Variants in RGP1 observed in about 807,000 individuals in gnomAD.
The protein encoded by RGP1 is RAB6A-GEF complex partner protein 2.
A neutral mutation model predicts 44.5 loss-of-function variants in RGP1; 28 were observed. That is an observed-to-expected ratio of 0.63 (90% CI 0.47 to 0.86). The LOEUF is 0.86. Ranked by LOEUF, RGP1 falls within the 40% of genes least tolerant of loss-of-function variation. The probability of loss-of-function intolerance (pLI) is 0.00; values close to 1 mark genes in which losing one functional copy is unlikely to be tolerated. For missense variants in RGP1, 417 were observed against 490.7 expected, an observed-to-expected ratio of 0.85 and a Z score of 1.42; for synonymous variants, 212 against 196.7, an observed-to-expected ratio of 1.08 and a Z score of -0.65.
the RGP1 span, among the ~76,000 whole-genome samples, chr9:35,788,361 G>C: frequency 6.6e-6 from 1 of 152,206 alleles, no homozygotes; most frequent in Non-Finnish European, 1.5e-5. Flanking sequence ...TTGAGGTCAG[G>C]AGTTCGAGAC....
chr9:35,786,625 A>G, the RGP1 span: 1 of 152,190 alleles, frequency 6.6e-6, no homozygotes, highest in African/African-American at 2.4e-5. Flanking sequence ...TTCTCCTGAC[A>G]ATTCTTAAAT....
chr9:35,789,387 C>T, the RGP1 span, among the ~76,000 whole-genome samples: 1 of 145,918 alleles, frequency 6.9e-6, no homozygotes, highest in African/African-American at 2.5e-5. Context: ...CTGCCTCTAT[C>T]CTCTGGGATC....
chr9:35,768,553 G>A, the RGP1 span, among the ~76,000 whole-genome samples: 1 of 152,172 alleles, frequency 6.6e-6, no homozygotes, highest in Admixed American at 6.5e-5. Flanking sequence ...TAGTGCCAGG[G>A]GAAGATGGTG....
rs753189003 is a variant in RGP1, at chr9:35,749,690, C to T, written c.-19-47C>T. 62 of 1,165,798 alleles carry T rather than the reference C, an allele frequency of 5.3e-5. 1 individual carries two copies. In the South Asian group the frequency reaches 7.4e-4, roughly 14 times the overall value. 72.2% of individuals were successfully genotyped at this position (1,165,798 alleles called of 1,614,324 possible). A position where few individuals can be genotyped will look rare whatever the true frequency, so the allele number is the denominator to read the frequency against. ...AGCCCTAGGTGCTCACCGCAACGCCCCTCCCTGTCAAGGTGCTGACCTCCG... is the reference window on the plus strand; with the variant it reads ...AGCCCTAGGTGCTCACCGCAACGCCTCTCCCTGTCAAGGTGCTGACCTCCG... On this transcript the variant is annotated intron_variant, in intron 1 of 8. Coordinates refer to ENST00000378078, the MANE Select transcript of RGP1 (RefSeq NM_001080496.3). This position sits in a 1 kb window ranked among gnomAD's most constrained non-coding sequence, Gnocchi z 4.4.
rs1827368382 is a variant in RGP1 at position 35,757,102 on chromosome 9, C to CCCG, written c.*4229_*4231dup. 6.6e-6 allele frequency: 1 copy of CCCG among 152,252 alleles called. No individual in the cohort carries two copies. The highest frequency in any genetic ancestry group is 2.4e-5 in the African/African-American group (1 of 41,436). 9.4% of individuals were successfully genotyped at this position (152,252 alleles called of 1,614,324 possible). ...GAACAAGGAAAACATCCGCCGGAGG[C>CCCG]CCGGCCGGGCGGCGCTCCAGCCTCG... On this transcript the variant is annotated 3_prime_UTR_variant, in exon 9 of 9. Transcript: ENST00000378078.
At chr9:35,770,299 G>C in the RGP1 span, among the ~76,000 whole-genome samples, 1 of 152,202 alleles carries the variant, frequency 6.6e-6, no homozygotes, top group African/African-American at 2.4e-5. Flanking sequence ...GAGAACACTG[G>C]GTGGGAAGAT....
Position 35,753,451 on chromosome 9 carries a change from A to G in RGP1, c.*577A>G, listed in dbSNP as rs1044930831. 1.5e-4 allele frequency: 121 copies of G among 814,040 alleles called. No homozygotes were observed. Among genetic ancestry groups the G allele is most frequent in the Middle Eastern group, 3.3e-4 (1 of 3,026 alleles). 50.4% of individuals were successfully genotyped at this position (814,040 alleles called of 1,614,324 possible). A position where few individuals can be genotyped will look rare whatever the true frequency, so the allele number is the denominator to read the frequency against. Reference sequence around the variant, plus strand: ...TATGTGGGCCTTTTTGTTTTATAACAGGAGTATTTTCTCTCCAGGTCCACC... The same window carrying G: ...TATGTGGGCCTTTTTGTTTTATAACGGGAGTATTTTCTCTCCAGGTCCACC... On this transcript the variant is annotated 3_prime_UTR_variant, in exon 9 of 9. Transcript: ENST00000378078. This position sits in a 1 kb window ranked among gnomAD's most constrained non-coding sequence, Gnocchi z 4.2.
chr9:35,752,884 A>G lies in RGP1; in HGVS notation c.*10A>G, dbSNP rs569827733. 3.4e-5 allele frequency: 54 copies of G among 1,611,864 alleles called. No homozygotes were observed. In the East Asian group the frequency reaches 1.1e-3, roughly 34 times the overall value. The stretch of plus-strand genomic sequence containing the variant: ...CACCATAACCATCTGAAACTGGCCC[A>G]CCCTGGTGCTAGTTCCTTCCGGATA... On this transcript the variant is annotated 3_prime_UTR_variant, in exon 9 of 9. Coordinates refer to ENST00000378078, the MANE Select transcript of RGP1 (RefSeq NM_001080496.3).
rs1827304900 is a variant in RGP1, at chr9:35,753,378, C to G, written c.*504C>G. On this transcript the variant is annotated 3_prime_UTR_variant, in exon 9 of 9. Transcript: ENST00000378078. This position sits in a 1 kb window ranked among gnomAD's most constrained non-coding sequence, Gnocchi z 4.2. ...CTCTCACAGTTTTCCCCCCACAGAG[C>G]CCCTTTCAGTGGCCCCTTGGTCCTC... The G allele has an allele frequency of 1.5e-6, 2 of 1,376,310 alleles. No homozygotes were observed. Among genetic ancestry groups the G allele is most frequent in the Non-Finnish European group, 2.0e-6 (2 of 1,012,102 alleles). 85.3% of individuals were successfully genotyped at this position (1,376,310 alleles called of 1,614,324 possible).
Position 35,753,627 on chromosome 9 carries a change from A to G in RGP1, c.*753A>G. On this transcript the variant is annotated 3_prime_UTR_variant, in exon 9 of 9. Coordinates refer to ENST00000378078, the MANE Select transcript of RGP1 (RefSeq NM_001080496.3). This position sits in a 1 kb window ranked among gnomAD's most constrained non-coding sequence, Gnocchi z 4.2. ...GTCATCCCTCAGTCACTCATATCAG[A>G]GTCATTCTCTCTGGCCATCTTTGGT... The G allele has an allele frequency of 4.4e-5, 63 of 1,431,574 alleles. No individual in the cohort carries two copies. Among genetic ancestry groups the G allele is most frequent in the Non-Finnish European group, 5.8e-5 (59 of 1,016,322 alleles). 88.7% of individuals were successfully genotyped at this position (1,431,574 alleles called of 1,614,324 possible). A position where few individuals can be genotyped will look rare whatever the true frequency, so the allele number is the denominator to read the frequency against.
the RGP1 span, among the ~76,000 whole-genome samples, chr9:35,781,294 C>G: frequency 6.6e-6 from 1 of 151,256 alleles, no homozygotes; most frequent in Non-Finnish European, 1.5e-5. Context: ...ACCTGGTGGA[C>G]TGAGATTCTT....
chr9:35,766,076 C>T, the RGP1 span, among the ~76,000 whole-genome samples: 1 of 149,944 alleles, frequency 6.7e-6, no homozygotes, highest in Non-Finnish European at 1.5e-5. Context: ...GTGATCTGCC[C>T]ACCTCGGCCT....
At chr9:35,765,935 C>T in the RGP1 span, among the ~76,000 whole-genome samples, 1 of 150,634 alleles carries the variant, frequency 6.6e-6, no homozygotes, top group East Asian at 2.0e-4. Context: ...CCTGGGTTCA[C>T]GCCATTCTCC....
chr9:35,750,987 C>G lies in RGP1; in HGVS notation c.485C>G (p.Thr162Ser), dbSNP rs1192656168. ...GTCCCTCTGAGGGTTCTTGTGCTGA[C>G]TGGTAAGCAAGGGCTCCTGGAGGGA... ...LRVPLRVLVL[T>S]GLQDVRFPQD... Residue 162 changes from threonine (T) to serine (S), a missense_variant and splice_region_variant, in exon 5 of 9, where the codon ACT (threonine) becomes AGT (serine). Physicochemically the swap from Thr to Ser is moderately conservative, Grantham distance 58 (BLOSUM62 1). Coordinates refer to ENST00000378078, the MANE Select transcript of RGP1 (RefSeq NM_001080496.3). 6.2e-7 allele frequency: 1 copy of G among 1,613,424 alleles called. No individual in the cohort carries two copies. The highest frequency in any genetic ancestry group is 8.5e-7 in the Non-Finnish European group (1 of 1,179,814).
chr9:35,753,427 A>T lies in RGP1; in HGVS notation c.*553A>T. 1.1e-6 allele frequency: 1 copy of T among 888,250 alleles called. No individual in the cohort carries two copies. Among genetic ancestry groups the T allele is most frequent in the South Asian group, 1.8e-5 (1 of 56,632 alleles). 55.0% of individuals were successfully genotyped at this position (888,250 alleles called of 1,614,324 possible). On this transcript the variant is annotated 3_prime_UTR_variant, in exon 9 of 9. Coordinates refer to ENST00000378078, the MANE Select transcript of RGP1 (RefSeq NM_001080496.3). The surrounding 1 kb of genome is among the most constrained non-coding windows in gnomAD (Gnocchi z 4.2). ...TCCTAACTAAGCTGTCACCTACCAT[A>T]TGTGGGCCTTTTTGTTTTATAACAG...
Position 35,754,325 on chromosome 9 carries a change from G to C in RGP1, c.*1451G>C. The C allele has an allele frequency of 1.8e-6, 1 of 558,576 alleles. No homozygotes were observed. Among genetic ancestry groups the C allele is most frequent in the South Asian group, 3.2e-5 (1 of 31,432 alleles). 34.6% of individuals were successfully genotyped at this position (558,576 alleles called of 1,614,324 possible). ...TATAAAGTGAGGACCCTGGCCCCCT[G>C]CTGAGTAGAGCTGGAAAAGTTGTAA... On this transcript the variant is annotated 3_prime_UTR_variant, in exon 9 of 9. Coordinates refer to ENST00000378078, the MANE Select transcript of RGP1 (RefSeq NM_001080496.3).
Position 35,752,927 on chromosome 9 carries a change from G to A in RGP1, c.*53G>A. 1 of 1,577,258 alleles carries A rather than the reference G, an allele frequency of 6.3e-7. No individual in the cohort carries two copies. Among genetic ancestry groups the A allele is most frequent in the Non-Finnish European group, 8.7e-7 (1 of 1,155,232 alleles). On this transcript the variant is annotated 3_prime_UTR_variant, in exon 9 of 9. Coordinates refer to ENST00000378078, the MANE Select transcript of RGP1 (RefSeq NM_001080496.3). ...TCCGGATACTGAGAACTCAGCACCT[G>A]GACTCTAATGGGACCCACTTTTTCC...
At chr9:35,777,073 C>T in the RGP1 span, among the ~76,000 whole-genome samples, 1 of 148,630 alleles carries the variant, frequency 6.7e-6, no homozygotes, top group East Asian at 2.0e-4. Flanking sequence ...CCCAACCAAT[C>T]TTAGCTTTGT....
In RGP1 at chr9:35,752,026, TCCC is replaced by T; in HGVS notation, c.835_837del (p.Pro279del). The T allele has an allele frequency of 6.2e-7, 1 of 1,610,010 alleles. No homozygotes were observed. The highest frequency in any genetic ancestry group is 8.5e-7 in the Non-Finnish European group (1 of 1,177,840). On this transcript the variant is annotated inframe_deletion, in exon 8 of 9. Transcript: ENST00000378078. ...CAGCGGCGACGTGGGGCAGGGGGTG[TCCC>T]CTCTGTGTCACATGTGACTCACGCC... is the stretch of plus-strand genomic sequence containing the variant.
Sources: gnomAD v4.1 joint callset for allele counts (sites outside exome capture counted in the v4.1 genomes callset) on GRCh38, gnomAD v4.1.1 for gene constraint, Gnocchi (gnomAD v3.1) non-coding constraint, MANE v1.5 for transcripts, NCBI Gene and HGNC (gene_info 2026-07-23, HGNC 2026-07-21) for gene names.